TANGO6: variants seen among roughly 807,000 people sequenced by gnomAD.
The protein encoded by TANGO6 is transport and Golgi organization protein 6 homolog.
A neutral mutation model predicts 114.2 loss-of-function variants in TANGO6; 90 were observed. The ratio of observed to expected loss-of-function variants is 0.79; its 90% CI spans 0.66 to 0.94. The LOEUF (loss-of-function observed/expected upper bound fraction) is 0.94, where lower values mean the gene tolerates loss of function less well. Among genes scored for constraint, TANGO6 ranks in the 40% least tolerant of loss-of-function variants. The probability of loss-of-function intolerance (pLI) is 0.00; values close to 1 mark genes in which losing one functional copy is unlikely to be tolerated. For synonymous variants in TANGO6, 477 were observed against 509.8 expected (o/e 0.94, Z 0.87); for missense variants, 1,274 against 1,315.3 (o/e 0.97, Z 0.49).
intron 6 of TANGO6, among the ~76,000 whole-genome samples, chr16:68,879,005 G>A (rs1051433968): frequency 3.3e-5 from 5 of 152,172 alleles, no homozygotes; most frequent in Admixed American, 3.3e-4. Context: ...GAGCCTGGGA[G>A]GTTGAGGCTG....
chr16:68,866,877 C>CA (rs776382557), intron 3 of TANGO6, among the ~76,000 whole-genome samples: 5 of 151,542 alleles, frequency 3.3e-5, no homozygotes, highest in Non-Finnish European at 7.4e-5. Context: ...GTGGAGGTTG[C>CA]AGTGAGCCGA....
At chr16:69,054,205 C>T (rs1448654616) in intron 17 of TANGO6, among the ~76,000 whole-genome samples, 1 of 152,208 alleles carries the variant, frequency 6.6e-6, no homozygotes, top group Non-Finnish European at 1.5e-5. Flanking sequence ...TTTTTACCAT[C>T]GCACTCTCAT....
At chr16:68,938,453 C>A (rs1342463559) in intron 14 of TANGO6, among the ~76,000 whole-genome samples, 1 of 151,864 alleles carries the variant, frequency 6.6e-6, no homozygotes, top group Non-Finnish European at 1.5e-5. Flanking sequence ...CAGGCAGTTT[C>A]AAAAGCCAGG....
chr16:68,973,843 C>G (rs1963734409), intron 14 of TANGO6, 185 bp from the exon 15 acceptor site: 1 of 631,720 alleles, frequency 1.6e-6, no homozygotes, highest in Non-Finnish European at 2.7e-6. Context: ...ACAGGAGTCT[C>G]AACTACCAGG....
chr16:69,077,291 C>A (rs1018384643), intron 17 of TANGO6, among the ~76,000 whole-genome samples: 2 of 151,942 alleles, frequency 1.3e-5, no homozygotes, highest in Admixed American at 6.6e-5. Flanking sequence ...AGGATGGCAA[C>A]AGCAGATCAT....
At chr16:68,908,418 T>C (rs1042522272) in intron 10 of TANGO6, among the ~76,000 whole-genome samples, 7 of 152,192 alleles carry the variant, frequency 4.6e-5, no homozygotes, top group Admixed American at 1.3e-4. Context: ...CTCACGCCTG[T>C]AATCCCAGCA....
chr16:68,969,123 A>C (rs1181738687), intron 14 of TANGO6, among the ~76,000 whole-genome samples: 3 of 152,162 alleles, frequency 2.0e-5, no homozygotes, highest in African/African-American at 4.8e-5. Context: ...ATGCATAGCT[A>C]GTTTCCTACG....
chr16:69,048,566 G>A (rs1318881640), intron 17 of TANGO6, among the ~76,000 whole-genome samples: 1 of 152,008 alleles, frequency 6.6e-6, no homozygotes, highest in African/African-American at 2.4e-5. Flanking sequence ...TTTAAGTTCT[G>A]AGGCAAACTC....
chr16:69,073,377 G>T (rs1362642181), intron 17 of TANGO6, among the ~76,000 whole-genome samples: 1 of 152,204 alleles, frequency 6.6e-6, no homozygotes, highest in Non-Finnish European at 1.5e-5. Flanking sequence ...TGCTTCCAGA[G>T]AATTGCCTGC....
chr16:68,979,875 C>T (rs549057884), intron 15 of TANGO6, among the ~76,000 whole-genome samples: 2 of 144,922 alleles, frequency 1.4e-5, no homozygotes, highest in African/African-American at 5.1e-5. Context: ...AGTGGAGTCT[C>T]GCTCTGTCAC....
chr16:69,027,411 C>G (rs995458086), intron 16 of TANGO6, among the ~76,000 whole-genome samples: 2 of 152,226 alleles, frequency 1.3e-5, no homozygotes, highest in East Asian at 3.9e-4. Flanking sequence ...CAGGGACAGC[C>G]TGTTCCTCAG....
chr16:68,958,682 A>G (rs1963559907), intron 14 of TANGO6, among the ~76,000 whole-genome samples: 1 of 152,166 alleles, frequency 6.6e-6, no homozygotes, highest in Non-Finnish European at 1.5e-5. Flanking sequence ...CTGTGATCCC[A>G]GCACTGTGGG....
intron 2 of TANGO6, among the ~76,000 whole-genome samples, chr16:68,861,198 C>G (rs1962087236): frequency 6.6e-6 from 1 of 152,098 alleles, no homozygotes; most frequent in South Asian, 2.1e-4. Flanking sequence ...AAGCACTACC[C>G]CCGCCATGAG....
chr16:68,886,493 A>G (rs1962540813), intron 7 of TANGO6, among the ~76,000 whole-genome samples: 1 of 148,712 alleles, frequency 6.7e-6, no homozygotes, highest in African/African-American at 2.5e-5. Flanking sequence ...CTCCTCACCG[A>G]TCTCATCTCA....
chr16:68,896,956 T>A (rs916567182), intron 7 of TANGO6, among the ~76,000 whole-genome samples: 1 of 152,064 alleles, frequency 6.6e-6, no homozygotes, highest in African/African-American at 2.4e-5. Flanking sequence ...CAGGCTGGAG[T>A]GCAATGGCAT....
chr16:68,914,815 G>A (rs1475774572), intron 11 of TANGO6, among the ~76,000 whole-genome samples: 1 of 151,798 alleles, frequency 6.6e-6, no homozygotes, highest in African/African-American at 2.4e-5. Context: ...ATGTTTGGCA[G>A]AAAGGCTACT....
chr16:68,887,737 G>T (rs1410197542), intron 7 of TANGO6, among the ~76,000 whole-genome samples: 1 of 151,982 alleles, frequency 6.6e-6, no homozygotes. Flanking sequence ...AAATTAGCCG[G>T]GCGTGGTGGC....
chr16:68,882,394 G>A (rs1962475570), intron 7 of TANGO6, among the ~76,000 whole-genome samples: 2 of 152,042 alleles, frequency 1.3e-5, no homozygotes, highest in African/African-American at 4.8e-5. Context: ...CTACTCGGGA[G>A]GCTGAAACAG....
At chr16:68,917,190 C>T (rs1963017419) in intron 11 of TANGO6, among the ~76,000 whole-genome samples, 1 of 152,052 alleles carries the variant, frequency 6.6e-6, no homozygotes, top group Non-Finnish European at 1.5e-5. Context: ...GGCTTCTTTC[C>T]CTTAGTAATA....
Sources: gnomAD v4.1 joint callset for allele counts (sites outside exome capture counted in the v4.1 genomes callset) on GRCh38, gnomAD v4.1.1 for gene constraint, MANE v1.5 for transcripts, NCBI Gene and HGNC (gene_info 2026-07-23, HGNC 2026-07-21) for gene names.